The following NBEA variants were observed in gnomAD, a reference collection of about 807,000 sequenced individuals.
NBEA encodes neurobeachin.
In NBEA, 44 loss-of-function variants were observed where a neutral mutation model predicts 343.4. That is an observed-to-expected ratio of 0.13 (90% CI 0.10 to 0.16). The LOEUF is 0.16. Ranked by LOEUF, NBEA falls within the 10% of genes least tolerant of loss-of-function variation. The pLI is 1.00. For missense variants in NBEA, 2,555 were observed against 3,631.3 expected (o/e 0.70, Z 7.62); for synonymous variants, 1,175 against 1,238.7 (o/e 0.95, Z 1.08).
intron 49 of NBEA, among the ~76,000 whole-genome samples, chr13:35,631,120 A>C (rs905205406): frequency 6.6e-6 from 1 of 152,216 alleles, no homozygotes; most frequent in African/African-American, 2.4e-5. Context: ...AGGCCGAGTC[A>C]TTCAATCTCA....
intron 18 of NBEA, among the ~76,000 whole-genome samples, chr13:35,143,696 G>A (rs1340621515): frequency 6.6e-6 from 1 of 151,884 alleles, no homozygotes; most frequent in African/African-American, 2.4e-5. Context: ...ATTGAGAAAG[G>A]GAGATGCTAA....
chr13:35,196,587 G>A (rs993960602), intron 31 of NBEA, among the ~76,000 whole-genome samples: 2 of 152,026 alleles, frequency 1.3e-5, no homozygotes, highest in Non-Finnish European at 2.9e-5. Flanking sequence ...ACATCGGGGT[G>A]TTATTTTTCT....
At chr13:35,133,744 A>G in intron 17 of NBEA, among the ~76,000 whole-genome samples, 1 of 152,078 alleles carries the variant, frequency 6.6e-6, no homozygotes, top group East Asian at 1.9e-4. Context: ...CGTGAAGACA[A>G]AATTGTAAAT....
chr13:35,416,144 T>A (rs1186726756), intron 38 of NBEA, among the ~76,000 whole-genome samples: 1 of 152,196 alleles, frequency 6.6e-6, no homozygotes, highest in Non-Finnish European at 1.5e-5. Flanking sequence ...GCTGAGATGA[T>A]GGGGTTTTCT....
intron 41 of NBEA, among the ~76,000 whole-genome samples, chr13:35,545,567 A>G (rs1036703510): frequency 1.3e-5 from 2 of 152,222 alleles, no homozygotes; most frequent in East Asian, 1.9e-4. Flanking sequence ...TTACTACAAA[A>G]CTGTTTTAAA....
intron 40 of NBEA, among the ~76,000 whole-genome samples, chr13:35,464,201 T>C (rs556525288): frequency 1.3e-5 from 2 of 152,346 alleles, no homozygotes; most frequent in Middle Eastern, 3.4e-3. Flanking sequence ...TGCTCTGCAC[T>C]ATAATTTCTG....
At chr13:35,453,897 A>G (rs2046428107) in intron 40 of NBEA, among the ~76,000 whole-genome samples, 1 of 152,218 alleles carries the variant, frequency 6.6e-6, no homozygotes, top group African/African-American at 2.4e-5. Context: ...TCAAACACCT[A>G]AAGAACAGTG....
rs564191433 is a variant in NBEA, at chr13:34,978,440, C to T, written c.294+35326C>T. ...TCTGGATCCGTTTAAACCAGGTTGA[C>T]GCCATGCATATTTTTTAACTGAAAT... On this transcript the variant is annotated intron_variant, in intron 1 of 58. Transcript: ENST00000379939. Among the ~76,000 whole-genome samples the T allele has an allele frequency of 7.2e-5, 11 of 152,262 alleles. No individual in the cohort carries two copies. The East Asian group carries it at 9.6e-4, about 13-fold the overall frequency.
chr13:35,588,806 A>G (rs2081399427), intron 46 of NBEA, among the ~76,000 whole-genome samples: 1 of 152,274 alleles, frequency 6.6e-6, no homozygotes, highest in Non-Finnish European at 1.5e-5. Flanking sequence ...CTTGCTGACC[A>G]CTCAGTAACT....
chr13:35,208,859 T>C lies in NBEA; in HGVS notation c.5521+5T>C. ...AAAGTATGATTAATACAACAGGTAT[T>C]GTACTTACATATTTTTGTGATACTC... is the stretch of plus-strand genomic sequence containing the variant. On this transcript the variant is annotated splice_donor_5th_base_variant and intron_variant, in intron 32 of 58. Coordinates refer to ENST00000379939, the MANE Select transcript of NBEA (RefSeq NM_001385012.1). 1 of 1,525,366 alleles carries C rather than the reference T, an allele frequency of 6.6e-7. No homozygotes were observed. The highest frequency in any genetic ancestry group is 8.9e-7 in the Non-Finnish European group (1 of 1,125,612). 94.5% of individuals were successfully genotyped at this position (1,525,366 alleles called of 1,614,324 possible).
At chr13:34,983,965 G>A (rs1440717253) in intron 1 of NBEA, among the ~76,000 whole-genome samples, 2 of 152,136 alleles carry the variant, frequency 1.3e-5, no homozygotes, top group Admixed American at 1.3e-4. Context: ...CCATTCTGTA[G>A]GTAGCCTGTT....
chr13:35,176,906 A>G, intron 27 of NBEA, 90 bp from the exon 28 acceptor site: 2 of 776,896 alleles, frequency 2.6e-6, no homozygotes, highest in Non-Finnish European at 4.3e-6. Context: ...GAGATACATG[A>G]TGTGACCAGT....
chr13:35,652,485 A>G (rs570190605), intron 53 of NBEA, among the ~76,000 whole-genome samples: 1 of 150,972 alleles, frequency 6.6e-6, no homozygotes, highest in Non-Finnish European at 1.5e-5. Flanking sequence ...CTAAAAATAT[A>G]AAAAAATTAG....
chr13:35,421,462 C>G (rs2044266232), intron 38 of NBEA, among the ~76,000 whole-genome samples: 1 of 152,012 alleles, frequency 6.6e-6, no homozygotes, highest in South Asian at 2.1e-4. Context: ...ATCCCTTTGC[C>G]TTCCCCCATT....
rs1476961560 is a variant in NBEA at position 35,109,412 on chromosome 13, C to G, written c.1803C>G (p.Asn601Lys). ...AGCTTTGTGATCACATTTTATTTAA[C>G]CCAGCCATCTGGATACATACACCTG... ...LKQLCDHILF[N>K]PAIWIHTPAK... Residue 601 changes from asparagine to lysine, a missense_variant, in exon 12 of 59, where the codon AAC becomes AAG. Asn to Lys is a moderately conservative substitution (Grantham distance 94). This residue lies in a region of NBEA where 360 missense variants were observed against 519.1 expected (regional missense o/e 0.69). Coordinates refer to ENST00000379939, the MANE Select transcript of NBEA (RefSeq NM_001385012.1). The G allele has an allele frequency of 1.9e-6, 3 of 1,611,064 alleles. No individual in the cohort carries two copies. Among genetic ancestry groups the G allele is most frequent in the Non-Finnish European group, 2.5e-6 (3 of 1,178,618 alleles).
At chr13:35,326,373 T>C (rs545681896) in intron 36 of NBEA, among the ~76,000 whole-genome samples, 3 of 152,066 alleles carry the variant, frequency 2.0e-5, no homozygotes, top group Admixed American at 1.3e-4. Flanking sequence ...TATTCCTAGA[T>C]ATTTTTGGGA....
chr13:34,947,096 T>C (rs2059208741), intron 1 of NBEA, among the ~76,000 whole-genome samples: 1 of 152,032 alleles, frequency 6.6e-6, no homozygotes, highest in Admixed American at 6.6e-5. Context: ...TATGTTGATA[T>C]ATAAGCCTTT....
intron 8 of NBEA, among the ~76,000 whole-genome samples, chr13:35,063,164 C>T (rs1474131576): frequency 6.6e-6 from 1 of 151,912 alleles, no homozygotes; most frequent in Non-Finnish European, 1.5e-5. Context: ...ACACTAAATA[C>T]AAATAATTAG....
chr13:35,429,800 C>CGTGTGTGTGTGTGTGTGTGTGT (rs60362511), intron 38 of NBEA, among the ~76,000 whole-genome samples: 1 of 140,198 alleles, frequency 7.1e-6, no homozygotes, highest in Non-Finnish European at 1.5e-5. Context: ...GAGTCCCCAA[C>CGTGTGTGTGTGTGTGTGTGTGT]GTGTGTGTGT....
Sources: gnomAD v4.1 joint callset for allele counts (sites outside exome capture counted in the v4.1 genomes callset) on GRCh38, gnomAD v4.1.1 for gene constraint, gnomAD v4.1.1 regional missense constraint, MANE v1.5 for transcripts, NCBI Gene and HGNC (gene_info 2026-07-23, HGNC 2026-07-21) for gene names.